Variants in NRXN1 observed in about 807,000 individuals in gnomAD.
The protein encoded by NRXN1 is neurexin-1.
A neutral mutation model predicts 150.9 loss-of-function variants in NRXN1; 39 were observed. The observed-to-expected ratio is 0.26, with a 90% CI of 0.20 to 0.34. The LOEUF (loss-of-function observed/expected upper bound fraction) is 0.34, where lower values mean the gene tolerates loss of function less well. Among genes scored for constraint, NRXN1 ranks in the 10% least tolerant of loss-of-function variants. The probability of loss-of-function intolerance (pLI) is 1.00; values close to 1 mark genes in which losing one functional copy is unlikely to be tolerated. For missense variants in NRXN1, 1,815 were observed against 1,949.9 expected, an observed-to-expected ratio of 0.93 and a Z score of 1.30; for synonymous variants, 924 against 757.0, an observed-to-expected ratio of 1.22 and a Z score of -3.62.
chr2:50,251,696 G>C (rs181146873), intron 17 of NRXN1, among the ~76,000 whole-genome samples: 62 of 152,200 alleles, frequency 4.1e-4, no homozygotes, highest in Admixed American at 1.1e-3. Flanking sequence ...AGCATCTGCT[G>C]TTTCTTGACT....
chr2:50,396,621 T>C (rs540305318), intron 17 of NRXN1, among the ~76,000 whole-genome samples: 1 of 152,238 alleles, frequency 6.6e-6, no homozygotes, highest in Admixed American at 6.5e-5. Flanking sequence ...ATGTCTGCTT[T>C]GCTCTAGTGA....
At chr2:50,921,944 A>G in intron 4 of NRXN1, 64 bp from the exon 5 acceptor site, 2 of 929,342 alleles carry the variant, frequency 2.2e-6, no homozygotes, top group Non-Finnish European at 3.1e-6. Flanking sequence ...TAAAGAGGAG[A>G]AAAACAACAA....
intron 5 of NRXN1, among the ~76,000 whole-genome samples, chr2:50,667,529 T>C (rs1331616693): frequency 1.3e-5 from 2 of 152,012 alleles, no homozygotes; most frequent in South Asian, 2.1e-4. Flanking sequence ...TAATTTATAA[T>C]GACCAGGATA....
intron 2 of NRXN1, among the ~76,000 whole-genome samples, chr2:50,974,844 T>A (rs576340628): frequency 6.6e-6 from 1 of 152,138 alleles, no homozygotes; most frequent in African/African-American, 2.4e-5. Context: ...CCACGACTCA[T>A]AATTAAATTT....
At chr2:50,901,628 C>T (rs760738851) in intron 5 of NRXN1, among the ~76,000 whole-genome samples, 5 of 152,114 alleles carry the variant, frequency 3.3e-5, no homozygotes, top group Non-Finnish European at 5.9e-5. Context: ...TATATACAAG[C>T]AAGAACTTCA....
intron 8 of NRXN1, among the ~76,000 whole-genome samples, chr2:50,558,050 C>T (rs2105373497): frequency 6.6e-6 from 1 of 152,300 alleles, no homozygotes; most frequent in South Asian, 2.1e-4. Flanking sequence ...ACAACAGCGG[C>T]TACCACTATC....
chr2:49,955,454 G>C (rs1225760282), intron 21 of NRXN1, among the ~76,000 whole-genome samples: 1 of 152,072 alleles, frequency 6.6e-6, no homozygotes, highest in African/African-American at 2.4e-5. Flanking sequence ...CTGAAAGAGA[G>C]AATGACTGAA....
At chr2:50,873,284 AT>A in intron 5 of NRXN1, among the ~76,000 whole-genome samples, 1 of 152,010 alleles carries the variant, frequency 6.6e-6, no homozygotes, top group South Asian at 2.1e-4. Context: ...AATAAAAGCA[AT>A]ACCCCTGTAA....
At chr2:50,231,001 C>T (rs1199638846) in intron 18 of NRXN1, among the ~76,000 whole-genome samples, 1 of 151,986 alleles carries the variant, frequency 6.6e-6, no homozygotes, top group Non-Finnish European at 1.5e-5. Flanking sequence ...AAATAGGCCA[C>T]ATGTTCTCTA....
intron 3 of NRXN1, among the ~76,000 whole-genome samples, chr2:50,924,023 G>A (rs556151142): frequency 6.6e-6 from 1 of 151,836 alleles, no homozygotes; most frequent in Admixed American, 6.6e-5. Context: ...ATGATCTATT[G>A]ATAATTCATA....
At chr2:50,402,806 C>A (rs1397965628) in intron 17 of NRXN1, among the ~76,000 whole-genome samples, 3 of 152,066 alleles carry the variant, frequency 2.0e-5, no homozygotes, top group Non-Finnish European at 4.4e-5. Flanking sequence ...CTGGCACTCA[C>A]AGATCTTTCT....
chr2:50,435,343 A>G (rs2085333387), intron 17 of NRXN1, among the ~76,000 whole-genome samples: 1 of 152,218 alleles, frequency 6.6e-6, no homozygotes, highest in South Asian at 2.1e-4. Context: ...TATGCAAACT[A>G]TAAAATATAT....
intron 12 of NRXN1, among the ~76,000 whole-genome samples, chr2:50,518,054 T>C (rs944053114): frequency 7.2e-5 from 11 of 152,248 alleles, no homozygotes; most frequent in African/African-American, 2.6e-4. Context: ...TCATTGATTG[T>C]ACCCATTTAT....
At position 50,581,306 on chromosome 2, in the gene NRXN1, C is replaced by T. The variant is rs376254057; in HGVS notation, c.1321-28281G>A. On this transcript the variant is annotated intron_variant, in intron 8 of 22. Transcript: ENST00000401669. ...CAGTTTTCAGGTTAATGTGGCAGCA[C>T]CTCGTATCTATGCATGCCAAAACCC... Among the ~76,000 whole-genome samples the T allele has an allele frequency of 2.8e-4, 42 of 152,268 alleles. 1 individual carries two copies. The highest frequency in any genetic ancestry group is 9.6e-4 in the African/African-American group (40 of 41,564).
At chr2:50,974,796 T>C (rs767351692) in intron 2 of NRXN1, among the ~76,000 whole-genome samples, 1 of 152,220 alleles carries the variant, frequency 6.6e-6, no homozygotes, top group Middle Eastern at 3.4e-3. Context: ...ATAATTTGCA[T>C]TGTAACTAAA....
At chr2:50,617,692 G>A (rs1274313972) in intron 8 of NRXN1, among the ~76,000 whole-genome samples, 1 of 152,096 alleles carries the variant, frequency 6.6e-6, no homozygotes, top group Non-Finnish European at 1.5e-5. Context: ...CCTTTTATGA[G>A]TTTAGCCACT....
chr2:50,861,070 G>C (rs1440389696), intron 5 of NRXN1, among the ~76,000 whole-genome samples: 3 of 152,006 alleles, frequency 2.0e-5, no homozygotes, highest in African/African-American at 7.2e-5. Flanking sequence ...CTGAAAGGTT[G>C]GTTGGTCATT....
chr2:50,812,800 C>CAAAAA (rs776852334), intron 5 of NRXN1, among the ~76,000 whole-genome samples: 1 of 106,658 alleles, frequency 9.4e-6, no homozygotes. Context: ...AAAGAGAAAG[C>CAAAAA]AAAAAAAAAA....
At chr2:50,082,770 C>T (rs1210920106) in intron 19 of NRXN1, among the ~76,000 whole-genome samples, 1 of 152,096 alleles carries the variant, frequency 6.6e-6, no homozygotes, top group African/African-American at 2.4e-5. Context: ...GGCACCTATC[C>T]TCCCCACACA....
Sources: allele counts gnomAD v4.1 joint callset (sites outside exome capture counted in the v4.1 genomes callset), GRCh38; gene constraint gnomAD v4.1.1; transcripts MANE v1.5; gene names NCBI Gene and HGNC (gene_info 2026-07-23, HGNC 2026-07-21).